ANKFN1: variants seen among roughly 807,000 people sequenced by gnomAD.
ANKFN1 encodes the protein ankyrin repeat and fibronectin type-III domain-containing protein 1.
Under a neutral mutation model 108.7 loss-of-function variants are expected in ANKFN1, and 74 were observed. That is an observed-to-expected ratio of 0.68 (90% CI 0.56 to 0.83). The LOEUF (loss-of-function observed/expected upper bound fraction) is 0.83, where lower values mean the gene tolerates loss of function less well. Ranked by LOEUF, ANKFN1 falls within the 40% of genes least tolerant of loss-of-function variation. The pLI is 0.00. For missense variants in ANKFN1, 1,505 were observed against 1,382.3 expected, an observed-to-expected ratio of 1.09 and a Z score of -1.41; for synonymous variants, 547 against 516.2, an observed-to-expected ratio of 1.06 and a Z score of -0.81.
intron 4 of ANKFN1, among the ~76,000 whole-genome samples, chr17:56,100,261 A>C (rs780913046): frequency 1.3e-5 from 2 of 152,196 alleles, no homozygotes; most frequent in African/African-American, 4.8e-5. Context: ...TGAATCAGAT[A>C]TGGAAAATGA....
Position 56,353,821 on chromosome 17 carries a change from T to C in ANKFN1, c.391-15T>C, listed in dbSNP as rs770056732. On this transcript the variant is annotated splice_polypyrimidine_tract_variant and intron_variant, in intron 5 of 20. Coordinates refer to ENST00000682825, the MANE Select transcript of ANKFN1 (RefSeq NM_001370326.1). ...GTTTAAGAAATTGTGCTGATCTACT[T>C]TTGCTCCTCTCTAGAATTTCCAGGG... 1 of 1,613,214 alleles carries C rather than the reference T, an allele frequency of 6.2e-7. No individual in the cohort carries two copies. Among genetic ancestry groups the C allele is most frequent in the Non-Finnish European group, 8.5e-7 (1 of 1,179,420 alleles).
At position 56,234,516 on chromosome 17, in the gene ANKFN1, A is replaced by T. The variant is rs146448106; in HGVS notation, c.53+6559A>T. ...TTTCTTCCTCCCACCCTCCACCCTC[A>T]AGTAGGTCCCGGTGTCTGTTGTTCC... On this transcript the variant is annotated intron_variant, in intron 3 of 20. Transcript: ENST00000682825. Among the ~76,000 whole-genome samples the T allele has an allele frequency of 3.3e-5, 5 of 151,876 alleles. No homozygotes were observed. In the East Asian group the frequency reaches 9.7e-4, roughly 29 times the overall value.
chr17:56,103,084 G>A (rs1217301782), intron 4 of ANKFN1, among the ~76,000 whole-genome samples: 1 of 152,228 alleles, frequency 6.6e-6, no homozygotes, highest in East Asian at 1.9e-4. Flanking sequence ...TGATCCTGGG[G>A]ACTGTGTGCA....
chr17:56,255,437 C>T (rs1310974582), intron 3 of ANKFN1, among the ~76,000 whole-genome samples: 1 of 152,170 alleles, frequency 6.6e-6, no homozygotes, highest in Admixed American at 6.5e-5. Flanking sequence ...AATCATTACT[C>T]TCTTTAGACT....
chr17:56,380,505 A>G (rs953673151), intron 8 of ANKFN1, among the ~76,000 whole-genome samples: 1 of 152,260 alleles, frequency 6.6e-6, no homozygotes, highest in Non-Finnish European at 1.5e-5. Context: ...GGGAAGCACA[A>G]GGAGTCAGGG....
chr17:56,495,590 G>C (rs1168806731), intron 19 of ANKFN1, among the ~76,000 whole-genome samples: 1 of 152,120 alleles, frequency 6.6e-6, no homozygotes, highest in Non-Finnish European at 1.5e-5. Context: ...GGGAGGCCTG[G>C]GCCACGGGAG....
intron 9 of ANKFN1, among the ~76,000 whole-genome samples, chr17:56,440,770 T>C (rs1182862965): frequency 6.6e-6 from 1 of 152,146 alleles, no homozygotes; most frequent in Non-Finnish European, 1.5e-5. Flanking sequence ...CCCTGTCTGA[T>C]GGTAAAAATA....
intron 8 of ANKFN1, among the ~76,000 whole-genome samples, chr17:56,381,335 G>GA (rs933771769): frequency 8.5e-5 from 13 of 152,216 alleles, no homozygotes; most frequent in African/African-American, 2.4e-4. Context: ...CAAAAATGGG[G>GA]AAAAAACAGA....
chr17:56,314,690 C>T (rs2144466126), intron 3 of ANKFN1, among the ~76,000 whole-genome samples: 1 of 152,228 alleles, frequency 6.6e-6, no homozygotes, highest in South Asian at 2.1e-4. Context: ...AAGTCTTTTA[C>T]TCATATCTCC....
intron 1 of ANKFN1, chr17:56,174,530 C>G (rs1216528663): frequency 1.9e-6 from 1 of 523,910 alleles, no homozygotes; most frequent in African/African-American, 2.1e-5. Context: ...ACAGCCTCTC[C>G]CCCTTCTCAC....
rs565093389 is a variant in ANKFN1 at position 56,510,680 on chromosome 17, C to A, written c.2852C>A (p.Pro951Gln). 1.3e-5 allele frequency: 20 copies of A among 1,536,168 alleles called. No homozygotes were observed. The African/African-American group carries it at 2.0e-4, about 16-fold the overall frequency. The change falls in exon 21 of 21, where the codon CCG becomes CAG. Residue 951 changes from proline to glutamine, a missense_variant. By Grantham distance (76) the Pro-to-Gln change is moderately conservative. Coordinates refer to ENST00000682825, the MANE Select transcript of ANKFN1 (RefSeq NM_001370326.1). The stretch of plus-strand genomic sequence containing the variant: ...CACGACGTGAAAACCCCTCTGGGGC[C>A]GGGCCAGGATCCCCAGGGCGAGGGC... ...QVHDVKTPLG[P>Q]GQDPQGEGPN... is the part of the protein sequence containing the mutation.
At chr17:56,392,760 C>T (rs1355899518) in intron 8 of ANKFN1, among the ~76,000 whole-genome samples, 2 of 152,196 alleles carry the variant, frequency 1.3e-5, no homozygotes, top group Non-Finnish European at 2.9e-5. Flanking sequence ...TTCTCAATCT[C>T]AGGACCATCT....
At chr17:56,189,170 C>CAT (rs1555607722) in intron 1 of ANKFN1, among the ~76,000 whole-genome samples, 2 of 85,264 alleles carry the variant, frequency 2.3e-5, no homozygotes, top group Admixed American at 1.6e-4. Flanking sequence ...GTTGCCCTGA[C>CAT]TTTTTTTTTT....
At chr17:56,288,451 T>G (rs1358435043) in intron 3 of ANKFN1, among the ~76,000 whole-genome samples, 1 of 152,102 alleles carries the variant, frequency 6.6e-6, no homozygotes, top group Non-Finnish European at 1.5e-5. Context: ...TTCTGCCACG[T>G]GAATGTCTCT....
intron 4 of ANKFN1, among the ~76,000 whole-genome samples, chr17:56,078,816 C>T (rs930264483): frequency 6.6e-5 from 10 of 152,108 alleles, no homozygotes; most frequent in African/African-American, 1.2e-4. Flanking sequence ...TTCTGAGTCT[C>T]GATGTATGTG....
chr17:56,052,795 C>T (rs565838052), intron 4 of ANKFN1, among the ~76,000 whole-genome samples: 44 of 152,224 alleles, frequency 2.9e-4, no homozygotes, highest in African/African-American at 1.1e-3. Flanking sequence ...AATTGAGAAA[C>T]AAGGAAGTTA....
chr17:56,511,357 A>G lies in ANKFN1; in HGVS notation c.*88A>G. 1 of 1,266,300 alleles carries G rather than the reference A, an allele frequency of 7.9e-7. No individual in the cohort carries two copies. Among genetic ancestry groups the G allele is most frequent in the African/African-American group, 1.5e-5 (1 of 66,268 alleles). The allele number at this position is 1,266,300 out of a possible 1,614,324, so 78.4% of individuals were successfully genotyped here. ...CCCCATCCTGCCCCACTGTGTACCC[A>G]CTCATTTTCAAGCGTTTTGAATGTT... On this transcript the variant is annotated 3_prime_UTR_variant, in exon 21 of 21. Coordinates refer to ENST00000682825, the MANE Select transcript of ANKFN1 (RefSeq NM_001370326.1).
At chr17:56,275,315 C>CTT (rs879530969) in intron 3 of ANKFN1, among the ~76,000 whole-genome samples, 1 of 142,628 alleles carries the variant, frequency 7.0e-6, no homozygotes, top group African/African-American at 2.6e-5. Context: ...GGAGTTTATT[C>CTT]TTTTTTTTTT....
chr17:56,231,333 G>A (rs1216485713), intron 3 of ANKFN1, among the ~76,000 whole-genome samples: 1 of 152,048 alleles, frequency 6.6e-6, no homozygotes. Context: ...CCTCATTCTG[G>A]GTGCCTTTTC....
Sources: gnomAD v4.1 joint callset for allele counts (sites outside exome capture counted in the v4.1 genomes callset) on GRCh38, gnomAD v4.1.1 for gene constraint, MANE v1.5 for transcripts, NCBI Gene and HGNC (gene_info 2026-07-23, HGNC 2026-07-21) for gene names.